STK24: variants seen among roughly 807,000 people sequenced by gnomAD.
STK24 encodes serine/threonine-protein kinase 24.
STK24 carries 21 observed loss-of-function variants against 55.6 expected under a neutral mutation model. The ratio of observed to expected loss-of-function variants is 0.38; its 90% confidence interval spans 0.27 to 0.54. The LOEUF (loss-of-function observed/expected upper bound fraction) is 0.54. STK24 is among the 20% of genes least tolerant of loss of function. The pLI is 0.79. For synonymous variants in STK24, 200 were observed against 215.2 expected (o/e 0.93, Z 0.62); for missense variants, 383 against 538.4 (o/e 0.71, Z 2.86).
chr13:98,479,219 T>C (rs1314977890), intron 3 of STK24, among the ~76,000 whole-genome samples: 1 of 152,240 alleles, frequency 6.6e-6, no homozygotes, highest in Non-Finnish European at 1.5e-5. Context: ...TGAGTAGTTT[T>C]CAAGCTATAT....
At position 98,446,064 on chromosome 13, in the gene STK24, C is replaced by T. The variant is rs2274053; in HGVS notation, c.*7109G>A. On this transcript the variant is annotated 3_prime_UTR_variant, in exon 11 of 11. Transcript: ENST00000539966. ...TCTGTGCCCTCCTGGGGCAGGTGCC[C>T]GCTGTGCTTCTCACAGGCCTCCTTG... 1,175,480 of 1,464,782 alleles carry T rather than the reference C, an allele frequency of 0.8. 477,714 individuals are homozygous for T. Among genetic ancestry groups the T allele is most frequent in the Non-Finnish European group, 0.84 (882,937 of 1,045,226 alleles). 90.7% of individuals were successfully genotyped at this position (1,464,782 alleles called of 1,614,324 possible).
At chr13:98,539,524 C>G (rs1405113585) in intron 1 of STK24, among the ~76,000 whole-genome samples, 1 of 151,918 alleles carries the variant, frequency 6.6e-6, no homozygotes, top group East Asian at 1.9e-4. Flanking sequence ...TCAGGCTGGC[C>G]CAGTGTTCTT....
At chr13:98,458,142 T>C (rs2031238) in intron 9 of STK24, among the ~76,000 whole-genome samples, 150,208 of 152,300 alleles carry the variant, frequency 0.99, 74,106 homozygotes, top group East Asian at 1. Context: ...TCTCCAGTGT[T>C]CTTCCTGGCA....
intron 5 of STK24, among the ~76,000 whole-genome samples, chr13:98,466,857 AG>A (rs200238766): frequency 0.02 from 3,049 of 152,264 alleles, 96 homozygotes; most frequent in African/African-American, 0.068. Flanking sequence ...CAGCAGGACC[AG>A]TAAGAGAGGT....
chr13:98,474,829 C>A lies in STK24; in HGVS notation c.589G>T (p.Asp197Tyr). 6.2e-7 allele frequency: 1 copy of A among 1,611,442 alleles called. No individual in the cohort carries two copies. The highest frequency in any genetic ancestry group is 8.5e-7 in the Non-Finnish European group (1 of 1,178,606). Reference sequence around the variant, plus strand: ...CCTCACCCTCCCCTCACCTTCGAGTCATAGGCCGACTGTTTGATGACCTCG... The same window carrying A: ...CCTCACCCTCCCCTCACCTTCGAGTAATAGGCCGACTGTTTGATGACCTCG... The part of the protein sequence containing the change: ...APEVIKQSAY[D>Y]SKADIWSLGI... Residue 197 changes from aspartate to tyrosine, a missense_variant, in exon 5 of 11, where the codon GAC becomes TAC. By Grantham distance (160) the Asp-to-Tyr change is radical. Coordinates refer to ENST00000539966, the MANE Select transcript of STK24 (RefSeq NM_001032296.4).
At chr13:98,463,477 C>G (rs542331698) in intron 7 of STK24, among the ~76,000 whole-genome samples, 2 of 152,196 alleles carry the variant, frequency 1.3e-5, no homozygotes, top group Non-Finnish European at 2.9e-5. Flanking sequence ...AGCTCTACCA[C>G]AAGAGTTCAC....
chr13:98,490,043 G>A (rs1037305818), intron 2 of STK24, among the ~76,000 whole-genome samples: 2 of 152,220 alleles, frequency 1.3e-5, no homozygotes, highest in Non-Finnish European at 2.9e-5. Flanking sequence ...AGAGAAGCCA[G>A]AAGCCAAGAT....
At chr13:98,537,040 A>G (rs1238835525) in intron 1 of STK24, among the ~76,000 whole-genome samples, 1 of 152,156 alleles carries the variant, frequency 6.6e-6, no homozygotes, top group Non-Finnish European at 1.5e-5. Flanking sequence ...CAAAGATGAG[A>G]AGGGGAGGCT....
intron 2 of STK24, among the ~76,000 whole-genome samples, chr13:98,503,026 T>G (rs867175128): frequency 1.4e-5 from 2 of 144,344 alleles, no homozygotes; most frequent in South Asian, 4.6e-4. Context: ...TTCCATGTGT[T>G]TTTTTTTTTT....
At chr13:98,523,555 A>AG (rs200612419) in intron 1 of STK24, among the ~76,000 whole-genome samples, 5,308 of 152,260 alleles carry the variant, frequency 0.035, 283 homozygotes, top group African/African-American at 0.12. Flanking sequence ...CTCCCTCCAG[A>AG]GGGACGTGAC....
At chr13:98,493,360 T>C (rs757316069) in intron 2 of STK24, among the ~76,000 whole-genome samples, 1 of 152,198 alleles carries the variant, frequency 6.6e-6, no homozygotes, top group African/African-American at 2.4e-5. Flanking sequence ...AATAAAAACA[T>C]TCTGCTTAAA....
intron 6 of STK24, 74 bp from the exon 7 acceptor site, chr13:98,463,910 T>C: frequency 6.5e-7 from 1 of 1,527,746 alleles, no homozygotes; most frequent in Non-Finnish European, 8.9e-7. Context: ...GACTTCTGCC[T>C]CAAAATGTCA....
chr13:98,525,790 C>T (rs192944504), intron 1 of STK24, among the ~76,000 whole-genome samples: 15 of 152,366 alleles, frequency 9.8e-5, no homozygotes, highest in African/African-American at 3.1e-4. Flanking sequence ...ATAATAGTAT[C>T]TATCTCTGCA....
At chr13:98,480,679 G>C (rs76650157) in intron 3 of STK24, among the ~76,000 whole-genome samples, 1 of 152,032 alleles carries the variant, frequency 6.6e-6, no homozygotes, top group African/African-American at 2.4e-5. Context: ...GATACATATA[G>C]TTTCAGAAGT....
Position 98,446,271 on chromosome 13 carries a change from CG to C in STK24, c.*6901del. 2 of 1,034,432 alleles carry C rather than the reference CG, an allele frequency of 1.9e-6. No individual in the cohort carries two copies. The highest frequency in any genetic ancestry group is 3.0e-6 in the Non-Finnish European group (2 of 668,656). The allele number at this position is 1,034,432 out of a possible 1,614,324, so 64.1% of individuals were successfully genotyped here. On this transcript the variant is annotated 3_prime_UTR_variant, in exon 11 of 11. Transcript: ENST00000539966. ...GGGTGGCAGCATGAGGTGAGGGGGC[CG>C]CCCTCCTCTGGAATGACTCAGGCCT...
rs757223802 is a variant in STK24 at position 98,482,262 on chromosome 13, T to C, written c.330+3A>G. The stretch of plus-strand genomic sequence containing the variant: ...CGTATTCTGCATCCAACATAATACT[T>C]ACTAGATCTAGTGCGGAGCCTCCAC... On this transcript the variant is annotated splice_donor_region_variant and intron_variant, in intron 3 of 10. Coordinates refer to ENST00000539966, the MANE Select transcript of STK24 (RefSeq NM_001032296.4). The C allele has an allele frequency of 2.6e-6, 4 of 1,554,018 alleles. No homozygotes were observed. The highest frequency in any genetic ancestry group is 3.5e-6 in the Non-Finnish European group (4 of 1,139,138).
chr13:98,511,847 T>C (rs563232556), intron 2 of STK24, among the ~76,000 whole-genome samples: 34 of 152,214 alleles, frequency 2.2e-4, no homozygotes, highest in African/African-American at 8.2e-4. Flanking sequence ...TATAAGAATC[T>C]ATACATATGT....
At chr13:98,517,158 C>T (rs2139377301) in intron 2 of STK24, among the ~76,000 whole-genome samples, 1 of 152,338 alleles carries the variant, frequency 6.6e-6, no homozygotes, top group Admixed American at 6.5e-5. Flanking sequence ...TCCACACTTC[C>T]TTTGCCAAAA....
chr13:98,571,499 T>C (rs1263473020), intron 1 of STK24, among the ~76,000 whole-genome samples: 1 of 152,194 alleles, frequency 6.6e-6, no homozygotes, highest in East Asian at 1.9e-4. Flanking sequence ...GATCTGAGAC[T>C]GGACTCCTCC....
Sources: allele counts gnomAD v4.1 joint callset (sites outside exome capture counted in the v4.1 genomes callset), GRCh38; gene constraint gnomAD v4.1.1; transcripts MANE v1.5; gene names NCBI Gene and HGNC (gene_info 2026-07-23, HGNC 2026-07-21).